The following VPS13B variants were observed in gnomAD, a reference collection of about 807,000 sequenced individuals.
The protein encoded by VPS13B is intermembrane lipid transfer protein VPS13B.
VPS13B carries 285 observed loss-of-function variants against 426.4 expected under a neutral mutation model. That is an observed-to-expected ratio of 0.67 (90% CI 0.61 to 0.74). The LOEUF (loss-of-function observed/expected upper bound fraction) is 0.74, where lower values mean the gene tolerates loss of function less well. VPS13B is among the 30% of genes least tolerant of loss of function. VPS13B has a pLI of 0.00. For synonymous variants in VPS13B, 1,676 were observed against 1,676.4 expected (o/e 1.00, Z 0.01); for missense variants, 4,537 against 4,782.6 (o/e 0.95, Z 1.51).
chr8:99,226,400 AT>A (rs1816022241), intron 17 of VPS13B, among the ~76,000 whole-genome samples: 1 of 152,202 alleles, frequency 6.6e-6, no homozygotes, highest in African/African-American at 2.4e-5. Flanking sequence ...TGTGCCAGTT[AT>A]ATAGTATATG....
chr8:99,668,630 AC>A lies in VPS13B; in HGVS notation c.6046+7140del, dbSNP rs147228651. Among the ~76,000 whole-genome samples, 1,080 of 152,224 alleles carry A rather than the reference AC, an allele frequency of 7.1e-3. 12 individuals are homozygous for A. The highest frequency in any genetic ancestry group is 0.025 in the African/African-American group (1,034 of 41,542). On this transcript the variant is annotated intron_variant, in intron 35 of 61. Transcript: ENST00000357162. ...TTAATAGAGCAAATGGTAGGTCCCAACTTCTACATCAAAAACTCTTTCAAAG... is the reference window on the plus strand; with the variant it reads ...TTAATAGAGCAAATGGTAGGTCCCAATTCTACATCAAAAACTCTTTCAAAG...
intron 17 of VPS13B, among the ~76,000 whole-genome samples, chr8:99,210,623 G>A (rs911546558): frequency 7.2e-5 from 11 of 151,820 alleles, no homozygotes; most frequent in African/African-American, 2.7e-4. Flanking sequence ...ATATATTTTT[G>A]AGACAGAGTT....
chr8:99,284,737 T>TCCCA (rs56937393), intron 19 of VPS13B, among the ~76,000 whole-genome samples: 1 of 151,698 alleles, frequency 6.6e-6, no homozygotes, highest in Non-Finnish European at 1.5e-5. Context: ...TGTGTGTGTG[T>TCCCA]TTTTGTAGAG....
At chr8:99,557,579 A>G (rs918057196) in intron 31 of VPS13B, among the ~76,000 whole-genome samples, 15 of 152,210 alleles carry the variant, frequency 9.9e-5, no homozygotes, top group South Asian at 8.3e-4. Context: ...CCTCTTTACA[A>G]TTGCGAATTG....
At chr8:99,455,581 C>T (rs1457224031) in intron 23 of VPS13B, among the ~76,000 whole-genome samples, 1 of 152,100 alleles carries the variant, frequency 6.6e-6, no homozygotes, top group African/African-American at 2.4e-5. Flanking sequence ...AGTTTTAGAA[C>T]ATTTCCATTA....
intron 54 of VPS13B, among the ~76,000 whole-genome samples, chr8:99,840,251 C>A (rs1815613592): frequency 6.6e-6 from 1 of 152,244 alleles, no homozygotes; most frequent in Admixed American, 6.5e-5. Context: ...TATTATTGAA[C>A]TTGTGGTCAA....
At chr8:99,574,160 G>C (rs1051790111) in intron 31 of VPS13B, among the ~76,000 whole-genome samples, 2 of 152,266 alleles carry the variant, frequency 1.3e-5, no homozygotes, top group Admixed American at 1.3e-4. Context: ...TGTATCCTGA[G>C]ACTTTGCTGA....
intron 3 of VPS13B, among the ~76,000 whole-genome samples, chr8:99,052,041 G>T (rs1843586307): frequency 6.6e-6 from 1 of 150,870 alleles, no homozygotes; most frequent in African/African-American, 2.4e-5. Flanking sequence ...CTGCCTGATT[G>T]CCCTGGCCAG....
At chr8:99,484,836 C>T (rs535966484) in intron 25 of VPS13B, among the ~76,000 whole-genome samples, 2 of 145,190 alleles carry the variant, frequency 1.4e-5, no homozygotes, top group Non-Finnish European at 3.0e-5. Context: ...CAGAGTGAGA[C>T]TGTGTCCTGT....
rs565958644 is a variant in VPS13B, at chr8:99,690,829, G to C, written c.6047-8696G>C. ...ATGGGATAGTCCTTCACGCTCACTA[G>C]GATAACTGCAGTCAAATATGTCTTA... is the stretch of plus-strand genomic sequence containing the variant. On this transcript the variant is annotated intron_variant, in intron 35 of 61. Coordinates refer to ENST00000357162, the MANE Select transcript of VPS13B (RefSeq NM_152564.5). Among the ~76,000 whole-genome samples, 4 of 152,226 alleles carry C rather than the reference G, an allele frequency of 2.6e-5. No individual in the cohort carries two copies. In the East Asian group the frequency reaches 5.8e-4, roughly 22 times the overall value.
intron 40 of VPS13B, among the ~76,000 whole-genome samples, chr8:99,774,454 G>C (rs918854451): frequency 5.3e-5 from 8 of 152,154 alleles, no homozygotes; most frequent in Non-Finnish European, 1.2e-4. Flanking sequence ...GATTGTATTA[G>C]ATACTCATGA....
chr8:99,768,382 GC>G (rs1811331896), intron 40 of VPS13B, among the ~76,000 whole-genome samples: 1 of 151,990 alleles, frequency 6.6e-6, no homozygotes, highest in Admixed American at 6.6e-5. Context: ...ATGTGTACAC[GC>G]TTTTACAAGG....
chr8:99,164,295 G>C (rs1310227587), intron 15 of VPS13B, among the ~76,000 whole-genome samples: 4 of 152,176 alleles, frequency 2.6e-5, no homozygotes, highest in Non-Finnish European at 5.9e-5. Flanking sequence ...AGAAAGGGGA[G>C]AAGCCATGTT....
At chr8:99,277,704 A>T (rs1369571380) in intron 19 of VPS13B, among the ~76,000 whole-genome samples, 1 of 152,106 alleles carries the variant, frequency 6.6e-6, no homozygotes, top group African/African-American at 2.4e-5. Flanking sequence ...AGTTTTCCTT[A>T]GTACTTATCA....
chr8:99,480,515 A>C (rs1819981292), intron 24 of VPS13B, among the ~76,000 whole-genome samples: 1 of 152,172 alleles, frequency 6.6e-6, no homozygotes, highest in Non-Finnish European at 1.5e-5. Flanking sequence ...TTTGCAACAA[A>C]ATTGTTTCTC....
At chr8:99,189,073 G>A (rs1813394432) in intron 16 of VPS13B, among the ~76,000 whole-genome samples, 2 of 151,780 alleles carry the variant, frequency 1.3e-5, no homozygotes. Context: ...CTAATTTTTT[G>A]TATTTTTAGT....
intron 33 of VPS13B, among the ~76,000 whole-genome samples, chr8:99,605,986 C>T (rs1827551481): frequency 6.6e-6 from 1 of 152,174 alleles, no homozygotes; most frequent in Non-Finnish European, 1.5e-5. Flanking sequence ...ACCTCTGCCT[C>T]CCAGATTCAA....
intron 39 of VPS13B, among the ~76,000 whole-genome samples, chr8:99,752,303 A>C (rs1810435127): frequency 6.6e-6 from 1 of 152,196 alleles, no homozygotes; most frequent in Admixed American, 6.5e-5. Context: ...TCCCTAGTAG[A>C]CATATACCCT....
chr8:99,221,783 A>G (rs1292224353), intron 17 of VPS13B, among the ~76,000 whole-genome samples: 2 of 152,102 alleles, frequency 1.3e-5, no homozygotes, highest in African/African-American at 4.8e-5. Context: ...ATCATAGCTG[A>G]CTGCAAACTT....
Sources: allele counts gnomAD v4.1 joint callset (sites outside exome capture counted in the v4.1 genomes callset), GRCh38; gene constraint gnomAD v4.1.1; transcripts MANE v1.5; gene names NCBI Gene and HGNC (gene_info 2026-07-23, HGNC 2026-07-21).